STRIP2: variants seen among roughly 807,000 people sequenced by gnomAD.
STRIP2 encodes striatin-interacting protein 2.
STRIP2 carries 84 observed loss-of-function variants against 107.1 expected under a neutral mutation model. The observed-to-expected ratio is 0.78, with a 90% confidence interval of 0.66 to 0.94. STRIP2 has a LOEUF of 0.94. Among genes scored for constraint, STRIP2 ranks in the 40% least tolerant of loss-of-function variants. The pLI is 0.00. For missense variants in STRIP2, 888 were observed against 1,034.2 expected, an observed-to-expected ratio of 0.86 and a Z score of 1.94; for synonymous variants, 394 against 400.4, an observed-to-expected ratio of 0.98 and a Z score of 0.19.
chr7:129,463,848 C>T (rs190721901), intron 14 of STRIP2, among the ~76,000 whole-genome samples, 196 bp from the exon 15 acceptor site: 1 of 152,294 alleles, frequency 6.6e-6, no homozygotes, highest in Non-Finnish European at 1.5e-5. Flanking sequence ...CTGGCTTTCT[C>T]CCTAGCCTCA....
intron 3 of STRIP2, among the ~76,000 whole-genome samples, chr7:129,444,922 G>A (rs1024657179): frequency 2.6e-5 from 4 of 152,234 alleles, no homozygotes; most frequent in South Asian, 4.2e-4. Flanking sequence ...GTGTATACAC[G>A]CACAAACATG....
At chr7:129,457,070 C>T (rs1798381478) in intron 9 of STRIP2, among the ~76,000 whole-genome samples, 1 of 152,196 alleles carries the variant, frequency 6.6e-6, no homozygotes, top group African/African-American at 2.4e-5. Context: ...CAGCCACACT[C>T]TTAACTGGCC....
At chr7:129,452,059 T>C (rs1798208628) in intron 4 of STRIP2, among the ~76,000 whole-genome samples, 2 of 152,170 alleles carry the variant, frequency 1.3e-5, no homozygotes, top group African/African-American at 4.8e-5. Context: ...AGAGCTGATA[T>C]GTACCACCAG....
At position 129,451,824 on chromosome 7, in the gene STRIP2, G is replaced by T. The variant is rs761534365; in HGVS notation, c.409+77G>T. ...TGGGCATTATCAGGACTGAGATGAC[G>T]CAGGCTGTGCTGGGAAAGCAAGGTT... On this transcript the variant is annotated intron_variant, in intron 4 of 20. Coordinates refer to ENST00000249344, the MANE Select transcript of STRIP2 (RefSeq NM_020704.3). 9.6e-6 allele frequency: 15 copies of T among 1,559,218 alleles called. No homozygotes were observed. The African/African-American group carries it at 1.2e-4, about 13-fold the overall frequency.
intron 1 of STRIP2, among the ~76,000 whole-genome samples, chr7:129,438,440 A>C (rs1007213014): frequency 6.6e-6 from 1 of 152,244 alleles, no homozygotes; most frequent in African/African-American, 2.4e-5. Context: ...GTGACCACTC[A>C]CATAGTGCTA....
At chr7:129,452,066 C>G (rs1178285458) in intron 4 of STRIP2, among the ~76,000 whole-genome samples, 3 of 152,146 alleles carry the variant, frequency 2.0e-5, no homozygotes, top group African/African-American at 7.2e-5. Flanking sequence ...ATATGTACCA[C>G]CAGCTGATCA....
At chr7:129,480,962 T>C in intron 19 of STRIP2, 73 bp downstream of exon 19, 2 of 1,171,122 alleles carry the variant, frequency 1.7e-6, no homozygotes, top group Non-Finnish European at 1.2e-6. Flanking sequence ...TAAATATTTG[T>C]GTGCTACCTG....
At chr7:129,477,057 C>CT (rs1798978285) in intron 18 of STRIP2, among the ~76,000 whole-genome samples, 2 of 151,366 alleles carry the variant, frequency 1.3e-5, no homozygotes, top group African/African-American at 4.9e-5. Flanking sequence ...CGCCTGCAAT[C>CT]GCAGGCACTC....
intron 18 of STRIP2, among the ~76,000 whole-genome samples, chr7:129,473,988 A>G (rs1798855941): frequency 6.6e-6 from 1 of 152,178 alleles, no homozygotes; most frequent in African/African-American, 2.4e-5. Flanking sequence ...AAGTGTTGGG[A>G]TTACAGGCGT....
rs1433876063 is a variant in STRIP2, at chr7:129,486,870, C to T, written c.*1041C>T. The T allele has an allele frequency of 1.3e-5, 2 of 151,888 alleles. No homozygotes were observed. Among genetic ancestry groups the T allele is most frequent in the African/African-American group, 2.4e-5 (1 of 41,332 alleles). The allele number at this position is 151,888 out of a possible 1,614,324, so 9.4% of individuals were successfully genotyped here. A position where few individuals can be genotyped will look rare whatever the true frequency, so the allele number is the denominator to read the frequency against. On this transcript the variant is annotated 3_prime_UTR_variant, in exon 21 of 21. Transcript: ENST00000249344. ...ACTGTCTCTACTTAAAAGTATTGCA[C>T]ATTTCATTGAAAATGTGAGAGTTGA...
In STRIP2 at chr7:129,458,159, C is replaced by A. The variant is rs1798417531; in HGVS notation, c.1039-56C>A. The A allele has an allele frequency of 7.1e-7, 1 of 1,417,476 alleles. No individual in the cohort carries two copies. 87.8% of individuals were successfully genotyped at this position (1,417,476 alleles called of 1,614,324 possible). A position where few individuals can be genotyped will look rare whatever the true frequency, so the allele number is the denominator to read the frequency against. ...CCTGTGGATATGGGGTGGCCTCAGA[C>A]AAGGATGCCCAGAGTGAGATCTCTG... On this transcript the variant is annotated intron_variant, in intron 9 of 20. Transcript: ENST00000249344. The surrounding 1 kb of genome is among the most constrained non-coding windows in gnomAD (Gnocchi z 4.6).
At chr7:129,470,618 T>G in intron 17 of STRIP2, 31 bp from the exon 18 acceptor site, 1 of 1,590,902 alleles carries the variant, frequency 6.3e-7, no homozygotes, top group Non-Finnish European at 8.6e-7. Flanking sequence ...GCCATTTACC[T>G]AAAGCCTGTC....
At position 129,456,510 on chromosome 7, in the gene STRIP2, A is replaced by C; in HGVS notation, c.906A>C (p.Pro302=). 1 of 1,613,972 alleles carries C rather than the reference A, an allele frequency of 6.2e-7. No individual in the cohort carries two copies. Among genetic ancestry groups the C allele is most frequent in the South Asian group, 1.1e-5 (1 of 91,072 alleles). ...AGCGGGCAGAATTGGGCCTGCCTCC[A>C]CTGGCTGAAGACAGTATCCAGGTGG... ...VQKRAELGLP[P]LAEDSIQVVK... is the part of the protein sequence containing the mutation. The change falls in exon 9 of 21, where the codon CCA becomes CCC. Residue 302 remains proline, a synonymous_variant. Coordinates refer to ENST00000249344, the MANE Select transcript of STRIP2 (RefSeq NM_020704.3).
chr7:129,483,436 T>A lies in STRIP2; in HGVS notation c.2254+390T>A. The A allele has an allele frequency of 1.5e-6, 1 of 652,876 alleles. No individual in the cohort carries two copies. The highest frequency in any genetic ancestry group is 1.9e-6 in the Non-Finnish European group (1 of 517,908). The allele number at this position is 652,876 out of a possible 1,614,324, so 40.4% of individuals were successfully genotyped here. A position where few individuals can be genotyped will look rare whatever the true frequency, so the allele number is the denominator to read the frequency against. ...TTACTATATTATATTTATGCCATAT[T>A]TGTACTATGCAGAAATTGCCACCAT... is the stretch of plus-strand genomic sequence containing the variant. On this transcript the variant is annotated intron_variant, in intron 20 of 20. Coordinates refer to ENST00000249344, the MANE Select transcript of STRIP2 (RefSeq NM_020704.3). The surrounding 1 kb of genome is among the most constrained non-coding windows in gnomAD (Gnocchi z 5.1).
chr7:129,474,549 G>A (rs934553779), intron 18 of STRIP2, among the ~76,000 whole-genome samples: 3 of 151,720 alleles, frequency 2.0e-5, no homozygotes, highest in African/African-American at 7.3e-5. Flanking sequence ...TGAGACAGTC[G>A]CCCAGACTGG....
Position 129,453,349 on chromosome 7 carries a change from T to G in STRIP2, c.530+2T>G. 1 of 1,614,034 alleles carries G rather than the reference T, an allele frequency of 6.2e-7. No individual in the cohort carries two copies. The highest frequency in any genetic ancestry group is 8.5e-7 in the Non-Finnish European group (1 of 1,179,976). The stretch of plus-strand genomic sequence containing the variant: ...GGAGCTACTCCACATGGAAATTGAG[T>G]GAGAAGCCTTAGGGGAAGGGCTGGC... On this transcript the variant is annotated splice_donor_variant, in intron 5 of 20. Transcript: ENST00000249344. LOFTEE classifies it high-confidence loss of function.
intron 14 of STRIP2, 139 bp from the exon 15 acceptor site, chr7:129,463,905 T>C: frequency 1.5e-6 from 1 of 658,534 alleles, no homozygotes; most frequent in Non-Finnish European, 2.7e-6. Flanking sequence ...TTCTGGATGC[T>C]GGGGAGATAT....
intron 2 of STRIP2, among the ~76,000 whole-genome samples, chr7:129,442,040 T>C (rs1031316619): frequency 6.6e-5 from 10 of 152,232 alleles, no homozygotes; most frequent in African/African-American, 2.4e-4. Context: ...GCCTGACCAA[T>C]ATGGTGAAAC....
chr7:129,448,607 C>A (rs773554145), intron 3 of STRIP2, among the ~76,000 whole-genome samples: 1 of 152,156 alleles, frequency 6.6e-6, no homozygotes, highest in African/African-American at 2.4e-5. Flanking sequence ...GGCTTCCTAT[C>A]AGTTTCACTT....
Sources: allele counts gnomAD v4.1 joint callset (sites outside exome capture counted in the v4.1 genomes callset), GRCh38; gene constraint gnomAD v4.1.1; non-coding constraint Gnocchi (gnomAD v3.1); transcripts MANE v1.5; gene names NCBI Gene and HGNC (gene_info 2026-07-23, HGNC 2026-07-21).